Variants in FARP2 observed in about 807,000 individuals in gnomAD.
FARP2 encodes FERM, ARH/RhoGEF and pleckstrin domain protein 2, also known as FERM, ARHGEF and pleckstrin domain-containing protein 2.
FARP2 carries 111 observed loss-of-function variants against 130.5 expected under a neutral mutation model. The ratio of observed to expected loss-of-function variants is 0.85; its 90% CI spans 0.73 to 1.00. The LOEUF (loss-of-function observed/expected upper bound fraction) is 1.00, where lower values mean the gene tolerates loss of function less well. FARP2 is among the 50% of genes least tolerant of loss of function. FARP2 has a pLI of 0.00. For synonymous variants in FARP2, 504 were observed against 516.9 expected, an observed-to-expected ratio of 0.98 and a Z score of 0.34; for missense variants, 1,385 against 1,346.3, an observed-to-expected ratio of 1.03 and a Z score of -0.45.
intron 2 of FARP2, among the ~76,000 whole-genome samples, chr2:241,381,669 T>C (rs1052696892): frequency 7.9e-5 from 12 of 152,230 alleles, no homozygotes; most frequent in African/African-American, 7.2e-5. Context: ...TAGAAAGTAG[T>C]CATGAATCTC....
Position 241,494,250 on chromosome 2 carries a change from G to T in FARP2, c.*125G>T. 1 of 510,566 alleles carries T rather than the reference G, an allele frequency of 2.0e-6. No homozygotes were observed. The highest frequency in any genetic ancestry group is 3.3e-6 in the Non-Finnish European group (1 of 300,764). 31.6% of individuals were successfully genotyped at this position (510,566 alleles called of 1,614,324 possible). A position where few individuals can be genotyped will look rare whatever the true frequency, so the allele number is the denominator to read the frequency against. ...TCTCACTGGATCCCCACTGGCACCA[G>T]CAGTGTGGGTGGGCCTCATGTAACA... On this transcript the variant is annotated 3_prime_UTR_variant, in exon 27 of 27. Coordinates refer to ENST00000264042, the MANE Select transcript of FARP2 (RefSeq NM_014808.4). The surrounding 1 kb of genome is among the most constrained non-coding windows in gnomAD (Gnocchi z 4.9).
rs532620732 is a variant in FARP2 at position 241,427,955 on chromosome 2, G to A, written c.772-3724G>A. ...CTAATTTTTTGTATTTTTAGTAGAG[G>A]CGGGGTTTCACTGTGTTAGCCAGGA... On this transcript the variant is annotated intron_variant, in intron 8 of 26. Transcript: ENST00000264042. Among the ~76,000 whole-genome samples the A allele has an allele frequency of 9.2e-3, 1,391 of 152,016 alleles. 18 individuals carry two copies. Among genetic ancestry groups the A allele is most frequent in the African/African-American group, 0.03 (1,248 of 41,494 alleles).
At chr2:241,380,570 G>A (rs748843585) in intron 2 of FARP2, among the ~76,000 whole-genome samples, 9 of 151,894 alleles carry the variant, frequency 5.9e-5, no homozygotes, top group African/African-American at 9.7e-5. Context: ...CAAGCATCCC[G>A]AATCTGAAAA....
At chr2:241,471,928 G>C (rs78604310) in intron 18 of FARP2, among the ~76,000 whole-genome samples, 1 of 60,752 alleles carries the variant, frequency 1.6e-5, no homozygotes, top group Non-Finnish European at 3.7e-5. Flanking sequence ...GTTCTGAGGG[G>C]ATTATGTTCT....
intron 18 of FARP2, among the ~76,000 whole-genome samples, chr2:241,474,149 ACAAAAAAT>A (rs1304854519): frequency 6.6e-6 from 1 of 150,754 alleles, no homozygotes; most frequent in East Asian, 2.0e-4. Flanking sequence ...TACTAAAAAT[ACAAAAAAT>A]TAGCCGGGCG....
rs200690696 is a variant in FARP2, at chr2:241,431,715, G to C, written c.808G>C (p.Val270Leu). The change falls in exon 9 of 27, where the codon GTC becomes CTC. Residue 270 changes from valine (V) to leucine (L), a missense_variant. Coordinates refer to ENST00000264042, the MANE Select transcript of FARP2 (RefSeq NM_014808.4). ...TKINTFNWSK[V>L]RKLSFKRKRF... ...AATCAACACTTTCAACTGGTCCAAG[G>C]TCCGTAAACTAAGCTTCAAGAGGAA... 1.1e-5 allele frequency: 17 copies of C among 1,602,694 alleles called. No homozygotes were observed. The Admixed American group carries it at 1.5e-4, about 14-fold the overall frequency.
chr2:241,456,757 G>A lies in FARP2; in HGVS notation c.1422G>A (p.Thr474=), dbSNP rs375721515. ...PALQPGPGLS[T]KSPQPSPSSR... ...CCCGTTCATTTCCAGGCCTTTCCAC[G>A]AAGAGTCCTCAGCCTTCTCCCTCCA... Residue 474 remains threonine (T), a synonymous_variant, in exon 14 of 27, where the codon ACG becomes ACA. Coordinates refer to ENST00000264042, the MANE Select transcript of FARP2 (RefSeq NM_014808.4). 1.1e-5 allele frequency: 17 copies of A among 1,613,906 alleles called. No homozygotes were observed. The highest frequency in any genetic ancestry group is 3.3e-5 in the Admixed American group (2 of 59,994).
At chr2:241,431,336 G>T (rs59916403) in intron 8 of FARP2, among the ~76,000 whole-genome samples, 52,310 of 151,610 alleles carry the variant, frequency 0.35, 9,752 homozygotes, top group East Asian at 0.67. Flanking sequence ...TTAGGCAAGA[G>T]TGGTGTCTGG....
rs1261767725 is a variant in FARP2, at chr2:241,475,140, T to C, written c.2132-717T>C. Among the ~76,000 whole-genome samples, 1 of 152,238 alleles carries C rather than the reference T, an allele frequency of 6.6e-6. No homozygotes were observed. The highest frequency in any genetic ancestry group is 1.5e-5 in the Non-Finnish European group (1 of 68,040). On this transcript the variant is annotated intron_variant, in intron 18 of 26. Transcript: ENST00000264042. This position sits in a 1 kb window ranked among gnomAD's most constrained non-coding sequence, Gnocchi z 4.4. ...CATTTAGCCTTTAAAGTACAATAAA[T>C]CATTTTCCTTTAAGAGCAAATACTG...
chr2:241,456,573 TTA>T, intron 13 of FARP2, 172 bp from the exon 14 acceptor site: 1 of 641,784 alleles, frequency 1.6e-6, no homozygotes, highest in African/African-American at 1.9e-5. Context: ...CATTTTCATT[TTA>T]TGTCATGTTT....
intron 1 of FARP2, among the ~76,000 whole-genome samples, chr2:241,357,880 G>T (rs1025735784): frequency 6.6e-6 from 1 of 152,118 alleles, no homozygotes; most frequent in East Asian, 1.9e-4. Context: ...TCTGCCTCAG[G>T]TTCCTTATTC....
chr2:241,425,169 T>C (rs1266979756), intron 8 of FARP2, among the ~76,000 whole-genome samples: 1 of 151,988 alleles, frequency 6.6e-6, no homozygotes, highest in Non-Finnish European at 1.5e-5. Context: ...ATCAAGCCAC[T>C]ATACTCCAGT....
chr2:241,459,780 C>T lies in FARP2; in HGVS notation c.1588-2743C>T, dbSNP rs1270558610. Among the ~76,000 whole-genome samples, 1 of 147,266 alleles carries T rather than the reference C, an allele frequency of 6.8e-6. No homozygotes were observed. The highest frequency in any genetic ancestry group is 2.5e-5 in the African/African-American group (1 of 40,172). On this transcript the variant is annotated intron_variant, in intron 14 of 26. Coordinates refer to ENST00000264042, the MANE Select transcript of FARP2 (RefSeq NM_014808.4). The surrounding 1 kb of genome is among the most constrained non-coding windows in gnomAD (Gnocchi z 5.3). ...CGTGGCAGCTGCTGTATTTTCTGTCCCTGAGAGTCTTCTCACGGTATTCCT... is the reference window on the plus strand; with the variant it reads ...CGTGGCAGCTGCTGTATTTTCTGTCTCTGAGAGTCTTCTCACGGTATTCCT...
Position 241,434,267 on chromosome 2 carries a change from C to T in FARP2, c.977C>T (p.Pro326Leu), listed in dbSNP as rs1391111900. The T allele has an allele frequency of 6.2e-7, 1 of 1,613,654 alleles. No homozygotes were observed. Among genetic ancestry groups the T allele is most frequent in the South Asian group, 1.1e-5 (1 of 90,932 alleles). ...ACCTTTTTTAGACTTTTGGACCAAC[C>T]TAAGCCAAAAGCAAAAGCCGTCTTC... Reference protein sequence around the residue: ...YHTFFRLLDQPKPKAKAVFFS... With the variant: ...YHTFFRLLDQLKPKAKAVFFS... Residue 326 changes from proline (P) to leucine (L), a missense_variant, in exon 10 of 27, where the codon CCT (proline) becomes CTT (leucine). Transcript: ENST00000264042.
chr2:241,448,809 C>T (rs774740277), intron 13 of FARP2, among the ~76,000 whole-genome samples: 21 of 152,230 alleles, frequency 1.4e-4, no homozygotes, highest in Non-Finnish European at 2.1e-4. Flanking sequence ...GTGGCTCCAC[C>T]GTGTGCTGCC....
chr2:241,397,150 C>A (rs2062050008), intron 2 of FARP2, among the ~76,000 whole-genome samples: 1 of 152,060 alleles, frequency 6.6e-6, no homozygotes. Flanking sequence ...CACGTGGACA[C>A]AGGAAGGGGA....
At chr2:241,481,015 T>C (rs1301667444) in intron 19 of FARP2, among the ~76,000 whole-genome samples, 1 of 144,194 alleles carries the variant, frequency 6.9e-6, no homozygotes, top group Non-Finnish European at 1.5e-5. Context: ...GGCCAGGAGA[T>C]TGAGACTAGC....
At chr2:241,388,971 A>G (rs1025558281) in intron 2 of FARP2, among the ~76,000 whole-genome samples, 1 of 152,160 alleles carries the variant, frequency 6.6e-6, no homozygotes, top group Admixed American at 6.5e-5. Flanking sequence ...CACGAGTGGG[A>G]TTAGTGCCCT....
chr2:241,448,395 T>A (rs1369479033), intron 13 of FARP2, among the ~76,000 whole-genome samples: 1 of 152,264 alleles, frequency 6.6e-6, no homozygotes, highest in Non-Finnish European at 1.5e-5. Flanking sequence ...TTTATGTTCT[T>A]CAAATATGTC....
Sources: allele counts gnomAD v4.1 joint callset (sites outside exome capture counted in the v4.1 genomes callset), GRCh38; gene constraint gnomAD v4.1.1; non-coding constraint Gnocchi (gnomAD v3.1); transcripts MANE v1.5; gene names NCBI Gene and HGNC (gene_info 2026-07-23, HGNC 2026-07-21).